The following ADD2 variants were observed in gnomAD, a reference collection of about 807,000 sequenced individuals.
ADD2 encodes beta-adducin.
In ADD2, 23 loss-of-function variants were observed where a neutral mutation model predicts 83.0. That is an observed-to-expected ratio of 0.28 (90% CI 0.20 to 0.39). ADD2 has a LOEUF of 0.39. Ranked by LOEUF, ADD2 falls within the 10% of genes least tolerant of loss-of-function variation. The pLI is 1.00. For missense variants in ADD2, 758 were observed against 944.9 expected, an observed-to-expected ratio of 0.80 and a Z score of 2.59; for synonymous variants, 375 against 375.4, an observed-to-expected ratio of 1.00 and a Z score of 0.01.
At chr2:70,767,498 A>G (rs1439217734) in intron 1 of ADD2, 10 of 412,016 alleles carry the variant, frequency 2.4e-5, no homozygotes, top group Admixed American at 1.2e-4. Flanking sequence ...GCCGAGCGGG[A>G]AGGAAAGAGA....
chr2:70,693,903 G>C (rs1043445465), intron 6 of ADD2, among the ~76,000 whole-genome samples: 9 of 152,218 alleles, frequency 5.9e-5, no homozygotes, highest in African/African-American at 2.2e-4. Context: ...GTACAAATGA[G>C]AAAGCAGGTA....
At chr2:70,718,077 C>G (rs1672561701) in intron 1 of ADD2, among the ~76,000 whole-genome samples, 1 of 152,172 alleles carries the variant, frequency 6.6e-6, no homozygotes, top group Non-Finnish European at 1.5e-5. Flanking sequence ...CTGGGCATCC[C>G]TGGTGCAAAC....
chr2:70,663,808 C>A, intron 15 of ADD2, 73 bp from the exon 16 acceptor site: 1 of 1,458,752 alleles, frequency 6.9e-7, no homozygotes, highest in Non-Finnish European at 9.3e-7. Flanking sequence ...GCTAACAGAA[C>A]CATTTCTAGG....
intron 1 of ADD2, among the ~76,000 whole-genome samples, chr2:70,721,824 TC>T (rs1672743401): frequency 6.6e-6 from 1 of 152,262 alleles, no homozygotes; most frequent in Non-Finnish European, 1.5e-5. Flanking sequence ...AAATGGGTAC[TC>T]CATTTATAGA....
intron 2 of ADD2, among the ~76,000 whole-genome samples, chr2:70,709,521 A>G (rs1553375123): frequency 6.6e-6 from 1 of 152,136 alleles, no homozygotes; most frequent in Non-Finnish European, 1.5e-5. Context: ...TCTTGCCCCT[A>G]TCTGTCACTC....
At chr2:70,744,276 C>T (rs1558574699) in intron 1 of ADD2, among the ~76,000 whole-genome samples, 1 of 152,102 alleles carries the variant, frequency 6.6e-6, no homozygotes, top group Non-Finnish European at 1.5e-5. Flanking sequence ...TTACAATTAC[C>T]AAAAATTGTA....
chr2:70,696,162 C>T, intron 5 of ADD2, 83 bp downstream of exon 5: 2 of 1,516,790 alleles, frequency 1.3e-6, no homozygotes, highest in Non-Finnish European at 1.8e-6. Context: ...GTGCCATGGC[C>T]ATGCCAAGGG....
At chr2:70,761,740 C>T (rs1439110552) in intron 1 of ADD2, among the ~76,000 whole-genome samples, 1 of 149,738 alleles carries the variant, frequency 6.7e-6, no homozygotes, top group Non-Finnish European at 1.5e-5. Flanking sequence ...GGTGCAATCT[C>T]GGCTCACTGC....
intron 1 of ADD2, among the ~76,000 whole-genome samples, chr2:70,733,053 T>C (rs1470018819): frequency 6.6e-6 from 1 of 152,224 alleles, no homozygotes; most frequent in Non-Finnish European, 1.5e-5. Context: ...GTTTCCCATC[T>C]AGGTTATTTA....
intron 1 of ADD2, among the ~76,000 whole-genome samples, chr2:70,732,597 C>T (rs1421381068): frequency 2.0e-5 from 3 of 152,148 alleles, no homozygotes; most frequent in African/African-American, 7.2e-5. Flanking sequence ...CCTCAGATGG[C>T]TTTCAGGGAT....
chr2:70,718,487 C>T (rs1672579678), intron 1 of ADD2, among the ~76,000 whole-genome samples: 1 of 152,148 alleles, frequency 6.6e-6, no homozygotes, highest in Non-Finnish European at 1.5e-5. Flanking sequence ...CACTACAGGG[C>T]CCCAACAATG....
chr2:70,677,039 G>A (rs1670187640), intron 12 of ADD2, among the ~76,000 whole-genome samples, 154 bp from the exon 13 acceptor site: 1 of 152,146 alleles, frequency 6.6e-6, no homozygotes. Flanking sequence ...ACTTTAAGGG[G>A]GGGCCTCCAA....
At chr2:70,726,518 G>A (rs1395021232) in intron 1 of ADD2, among the ~76,000 whole-genome samples, 1 of 152,052 alleles carries the variant, frequency 6.6e-6, no homozygotes. Flanking sequence ...TTTTGCTAGG[G>A]GTGAGAAAAA....
chr2:70,680,808 A>G (rs1350234492), intron 10 of ADD2, among the ~76,000 whole-genome samples: 2 of 152,124 alleles, frequency 1.3e-5, no homozygotes, highest in African/African-American at 4.8e-5. Flanking sequence ...AAAACTACTG[A>G]TTTTTGTATA....
At chr2:70,666,653 A>G (rs1423859576) in intron 15 of ADD2, among the ~76,000 whole-genome samples, 1 of 152,194 alleles carries the variant, frequency 6.6e-6, no homozygotes, top group African/African-American at 2.4e-5. Context: ...GGCAATGAGT[A>G]TCTTCACTCC....
At chr2:70,727,932 T>TAAAA (rs1553378595) in intron 1 of ADD2, among the ~76,000 whole-genome samples, 3,998 of 135,886 alleles carry the variant, frequency 0.029, 194 homozygotes, top group African/African-American at 0.1. Flanking sequence ...AATAAATAAA[T>TAAAA]AAAATGCAGA....
chr2:70,692,331 T>A (rs190716766), intron 7 of ADD2, 72 bp downstream of exon 7: 1 of 1,441,170 alleles, frequency 6.9e-7, no homozygotes, highest in East Asian at 2.5e-5. Context: ...CAGACTGTTT[T>A]AAGTGACGAG....
At position 70,676,826 on chromosome 2, in the gene ADD2, C is replaced by G; in HGVS notation, c.1563G>C (p.Ala521=). The change falls in exon 13 of 16, where the codon GCG becomes GCC. Residue 521 remains alanine (A), a synonymous_variant. Coordinates refer to ENST00000264436, the MANE Select transcript of ADD2 (RefSeq NM_001617.4). The surrounding 1 kb of genome is among the most constrained non-coding windows in gnomAD (Gnocchi z 4.8). The stretch of plus-strand genomic sequence containing the variant: ...TTCGGCTCTTCTCGGCAATGACGCT[C>G]GCCAGGAGCTGGGACTGAGGCCCCG... ...KSAGPQSQLL[A]SVIAEKSRSP... is the part of the protein sequence containing the mutation. 6.2e-7 allele frequency: 1 copy of G among 1,614,196 alleles called. No homozygotes were observed. Among genetic ancestry groups the G allele is most frequent in the Non-Finnish European group, 8.5e-7 (1 of 1,180,034 alleles).
At position 70,726,217 on chromosome 2, in the gene ADD2, G is replaced by A. The variant is rs146573383; in HGVS notation, c.-153-13033C>T. Among the ~76,000 whole-genome samples, 480 of 116,588 alleles carry A rather than the reference G, an allele frequency of 4.1e-3. 3 individuals are homozygous for A. The highest frequency in any genetic ancestry group is 0.013 in the African/African-American group (394 of 30,806). The allele number at this position is 116,588 out of a possible 152,430, so 76.5% of individuals were successfully genotyped here. ...AAAAAAAAAAAAAAAAAAAAAGAAT[G>A]TATTGTCATCAGCAGCACCATGATG... is the stretch of plus-strand genomic sequence containing the variant. On this transcript the variant is annotated intron_variant, in intron 1 of 15. Transcript: ENST00000264436.
Sources: allele counts gnomAD v4.1 joint callset (sites outside exome capture counted in the v4.1 genomes callset), GRCh38; gene constraint gnomAD v4.1.1; non-coding constraint Gnocchi (gnomAD v3.1); transcripts MANE v1.5; gene names NCBI Gene and HGNC (gene_info 2026-07-23, HGNC 2026-07-21).